Variants in SYT7 observed in about 807,000 individuals in gnomAD.
SYT7 encodes synaptotagmin 7.
In SYT7, 29 loss-of-function variants were observed where a neutral mutation model predicts 75.1. The ratio of observed to expected loss-of-function variants is 0.39; its 90% CI spans 0.29 to 0.53. The LOEUF (loss-of-function observed/expected upper bound fraction) is 0.53. SYT7 is among the 20% of genes least tolerant of loss of function. The pLI is 0.77. For missense variants in SYT7, 693 were observed against 953.2 expected (o/e 0.73, Z 3.59); for synonymous variants, 376 against 401.7 (o/e 0.94, Z 0.76).
At chr11:61,552,648 CA>C (rs2063386377) in intron 2 of SYT7, among the ~76,000 whole-genome samples, 1 of 152,186 alleles carries the variant, frequency 6.6e-6, no homozygotes, top group Non-Finnish European at 1.5e-5. Flanking sequence ...ATGCTCCTGC[CA>C]GGGGCAGCCC....
intron 6 of SYT7, chr11:61,540,546 G>C (rs767847158): frequency 1.0e-6 from 1 of 985,414 alleles, no homozygotes; most frequent in East Asian, 1.1e-4. Context: ...AGCAACTAGG[G>C]GGACATGAGA....
Position 61,576,807 on chromosome 11 carries a change from G to A in SYT7, c.31+3983C>T, listed in dbSNP as rs1489625174. 1.7e-4 allele frequency among the ~76,000 whole-genome samples: 26 copies of A among 152,116 alleles called. 1 individual carries two copies. Among genetic ancestry groups the A allele is most frequent in the Non-Finnish European group, 3.7e-4 (25 of 68,016 alleles). ...TCCACACAACATCCTGCAATGGCCGGGCTAGAGGGTGTAACAAGGAGACAG... is the reference window on the plus strand; with the variant it reads ...TCCACACAACATCCTGCAATGGCCGAGCTAGAGGGTGTAACAAGGAGACAG... On this transcript the variant is annotated intron_variant, in intron 1 of 12. Coordinates refer to ENST00000539008, the MANE Select transcript of SYT7 (RefSeq NM_001365809.2). The surrounding 1 kb of genome is among the most constrained non-coding windows in gnomAD (Gnocchi z 4.1).
At chr11:61,538,382 AGAG>A in intron 6 of SYT7, 116 bp from the exon 7 acceptor site, 2 of 846,538 alleles carry the variant, frequency 2.4e-6, no homozygotes, top group Non-Finnish European at 3.5e-6. Flanking sequence ...AGAGAGAGAG[AGAG>A]AGAAAGAGAG....
At chr11:61,522,782 T>A (rs960073740) in intron 12 of SYT7, among the ~76,000 whole-genome samples, 1 of 152,096 alleles carries the variant, frequency 6.6e-6, no homozygotes, top group Non-Finnish European at 1.5e-5. Flanking sequence ...CAGTAAACCT[T>A]TCTTTTGAGA....
intron 6 of SYT7, chr11:61,540,750 G>A (rs898233886): frequency 1.7e-4 from 169 of 985,390 alleles, no homozygotes; most frequent in Non-Finnish European, 2.0e-4. Context: ...GAGGTGGGGA[G>A]GAGCAAGGAC....
chr11:61,542,482 G>T lies in SYT7; in HGVS notation c.670C>A (p.Gln224Lys). Residue 224 changes from glutamine to lysine, a missense_variant, in exon 6 of 13, where the codon CAG becomes AAG. By Grantham distance (53) the Gln-to-Lys change is moderately conservative. Transcript: ENST00000539008. The surrounding 1 kb of genome is among the most constrained non-coding windows in gnomAD (Gnocchi z 7.8). The part of the protein sequence containing the change: ...KCQRPRTLMR[Q>K]QSLQQPLSQH... ...CTCAGCGGCTGTTGCAGGCTCTGCTGCCGCATCAGGGTGCGGGGTCGCTGG... is the reference window on the plus strand; with the variant it reads ...CTCAGCGGCTGTTGCAGGCTCTGCTTCCGCATCAGGGTGCGGGGTCGCTGG... 1 of 1,533,028 alleles carries T rather than the reference G, an allele frequency of 6.5e-7. No homozygotes were observed. The highest frequency in any genetic ancestry group is 8.7e-7 in the Non-Finnish European group (1 of 1,146,074). 95.0% of individuals were successfully genotyped at this position (1,533,028 alleles called of 1,614,324 possible). A position where few individuals can be genotyped will look rare whatever the true frequency, so the allele number is the denominator to read the frequency against.
chr11:61,582,622 G>A (rs1195735173), upstream of SYT7, among the ~76,000 whole-genome samples: 1 of 152,214 alleles, frequency 6.6e-6, no homozygotes, highest in Non-Finnish European at 1.5e-5. Context: ...CCAGTGGAGA[G>A]CAGATTTCCT....
In SYT7 at chr11:61,531,159, G is replaced by A. The variant is rs1011337988; in HGVS notation, c.1200+1830C>T. On this transcript the variant is annotated intron_variant, in intron 8 of 12. Transcript: ENST00000539008. ...CTGCCCTGCTTATCTTATCATGGCT[G>A]TTAACATCAACGACCTAGCATTGGC... 7 of 983,948 alleles carry A rather than the reference G, an allele frequency of 7.1e-6. No homozygotes were observed. In the African/African-American group the frequency reaches 1.2e-4, roughly 17 times the overall value. 61.0% of individuals were successfully genotyped at this position (983,948 alleles called of 1,614,324 possible). A position where few individuals can be genotyped will look rare whatever the true frequency, so the allele number is the denominator to read the frequency against.
rs930888940 is a variant in SYT7 at position 61,551,944 on chromosome 11, G to A, written c.136-481C>T. Among the ~76,000 whole-genome samples the A allele has an allele frequency of 2.6e-5, 4 of 152,248 alleles. No homozygotes were observed. In the East Asian group the frequency reaches 5.8e-4, roughly 22 times the overall value. ...GAAGGCCATGTCCCCAGTCCTGCTC[G>A]GGGCTGTGTCCACCACTGTCTGGGG... On this transcript the variant is annotated intron_variant, in intron 2 of 12. Transcript: ENST00000539008. The surrounding 1 kb of genome is among the most constrained non-coding windows in gnomAD (Gnocchi z 5.3).
chr11:61,583,481 C>T (rs1203942622), upstream of SYT7, among the ~76,000 whole-genome samples: 1 of 152,200 alleles, frequency 6.6e-6, no homozygotes, highest in Non-Finnish European at 1.5e-5. Context: ...GTGATGAAGG[C>T]AAGGCCTCTA....
rs750635278 is a variant in SYT7, at chr11:61,523,198, G to A, written c.1833C>T (p.Asn611=). The A allele has an allele frequency of 4.3e-6, 7 of 1,614,200 alleles. No homozygotes were observed. In the Admixed American group the frequency reaches 1.2e-4, roughly 27 times the overall value. Reference sequence around the variant, plus strand: ...AGGACTCATTGAAGATGGGGTTCAGGTTCCTCTTCATCGTCACCGTCTTCT... The same window carrying A: ...AGGACTCATTGAAGATGGGGTTCAGATTCCTCTTCATCGTCACCGTCTTCT... ...EKKKTVTMKR[N]LNPIFNESFA... is the part of the protein sequence containing the mutation. The change falls in exon 12 of 13, where the codon AAC becomes AAT. Residue 611 remains asparagine (N), a synonymous_variant. Transcript: ENST00000539008. This position sits in a 1 kb window ranked among gnomAD's most constrained non-coding sequence, Gnocchi z 5.0.
intron 6 of SYT7, among the ~76,000 whole-genome samples, chr11:61,538,839 T>C (rs1165444371): frequency 6.6e-6 from 1 of 152,228 alleles, no homozygotes; most frequent in East Asian, 1.9e-4. Context: ...CGCTGCACCC[T>C]GTCCTTATGG....
chr11:61,517,760 G>A lies in SYT7; in HGVS notation c.*867C>T. ...TATGCACACAGTAGGTGCCTAAAAG[G>A]TGTGAGTCAGTGTTCAAGAGATGAA... On this transcript the variant is annotated 3_prime_UTR_variant, in exon 13 of 13. Coordinates refer to ENST00000539008, the MANE Select transcript of SYT7 (RefSeq NM_001365809.2). 2.5e-6 allele frequency: 1 copy of A among 394,032 alleles called. No individual in the cohort carries two copies. Among genetic ancestry groups the A allele is most frequent in the East Asian group, 3.6e-5 (1 of 27,750 alleles). 24.4% of individuals were successfully genotyped at this position (394,032 alleles called of 1,614,324 possible).
intron 1 of SYT7, among the ~76,000 whole-genome samples, chr11:61,565,303 AG>A (rs1477416163): frequency 6.6e-6 from 1 of 152,226 alleles, no homozygotes; most frequent in African/African-American, 2.4e-5. Flanking sequence ...TACCAGCTCC[AG>A]GGTGATCTGG....
the SYT7 span, among the ~76,000 whole-genome samples, chr11:61,588,000 T>TTGA: frequency 6.6e-6 from 1 of 152,014 alleles, no homozygotes; most frequent in South Asian, 2.1e-4. Context: ...CTAACTGGAG[T>TTGA]TGAAGACCTT....
At chr11:61,567,513 T>C (rs542506829) in intron 1 of SYT7, among the ~76,000 whole-genome samples, 3 of 152,338 alleles carry the variant, frequency 2.0e-5, no homozygotes, top group Admixed American at 6.5e-5. Flanking sequence ...CGCCTTCCTC[T>C]GCCAATGCCT....
chr11:61,554,814 C>T (rs941366690), intron 2 of SYT7, among the ~76,000 whole-genome samples: 1 of 152,164 alleles, frequency 6.6e-6, no homozygotes, highest in African/African-American at 2.4e-5. Context: ...AGAGGGGGAT[C>T]GGGTCATGCA....
At chr11:61,548,508 G>A (rs2063255407) in intron 3 of SYT7, among the ~76,000 whole-genome samples, 3 of 152,218 alleles carry the variant, frequency 2.0e-5, no homozygotes. Context: ...AGGGGGAATA[G>A]AGACAGTGAC....
At chr11:61,559,063 G>A (rs1244769075) in intron 1 of SYT7, among the ~76,000 whole-genome samples, 2 of 152,202 alleles carry the variant, frequency 1.3e-5, no homozygotes, top group African/African-American at 4.8e-5. Flanking sequence ...CCTCTTAACA[G>A]CTGTGTGACT....
Sources: allele counts gnomAD v4.1 joint callset (sites outside exome capture counted in the v4.1 genomes callset), GRCh38; gene constraint gnomAD v4.1.1; non-coding constraint Gnocchi (gnomAD v3.1); transcripts MANE v1.5; gene names NCBI Gene and HGNC (gene_info 2026-07-23, HGNC 2026-07-21).